ROBO2: variants seen among roughly 807,000 people sequenced by gnomAD.
ROBO2 encodes roundabout guidance receptor 2, also known as roundabout homolog 2.
In ROBO2, 53 loss-of-function variants were observed where a neutral mutation model predicts 160.8. The ratio of observed to expected loss-of-function variants is 0.33; its 90% confidence interval spans 0.26 to 0.41. The LOEUF (loss-of-function observed/expected upper bound fraction) is 0.41. Among genes scored for constraint, ROBO2 ranks in the 10% least tolerant of loss-of-function variants. The pLI, the probability that ROBO2 is intolerant of heterozygous loss-of-function variation, is 1.00. For missense variants in ROBO2, 1,577 were observed against 1,722.4 expected (o/e 0.92, Z 1.49); for synonymous variants, 664 against 611.7 (o/e 1.09, Z -1.26).
chr3:76,157,433 A>C (rs2072451745), intron 2 of ROBO2, among the ~76,000 whole-genome samples: 1 of 152,166 alleles, frequency 6.6e-6, no homozygotes, highest in East Asian at 1.9e-4. Context: ...TTATTGTAGC[A>C]GAGTAAGCCA....
intron 2 of ROBO2, among the ~76,000 whole-genome samples, chr3:77,361,603 G>C (rs1441461085): frequency 6.6e-6 from 1 of 152,002 alleles, no homozygotes; most frequent in African/African-American, 2.4e-5. Flanking sequence ...TTCAAAGTTG[G>C]CACCTTCTAT....
Position 77,595,248 on chromosome 3 carries a change from G to T in ROBO2, c.2726+64G>T, listed in dbSNP as rs145443179. The T allele has an allele frequency of 3.2e-5, 38 of 1,202,320 alleles. 1 individual carries two copies. The African/African-American group carries it at 5.0e-4, about 16-fold the overall frequency. 74.5% of individuals were successfully genotyped at this position (1,202,320 alleles called of 1,614,324 possible). On this transcript the variant is annotated intron_variant, in intron 18 of 25. Transcript: ENST00000461745. The stretch of plus-strand genomic sequence containing the variant: ...TAATCAGGACTGGGGAAACTCTATA[G>T]TAAGAGCCTATTATTGTAATAAATG...
At chr3:77,264,940 T>A (rs1450313266) in intron 2 of ROBO2, among the ~76,000 whole-genome samples, 1 of 152,190 alleles carries the variant, frequency 6.6e-6, no homozygotes, top group Non-Finnish European at 1.5e-5. Flanking sequence ...TAGAAAAATC[T>A]CTTTATTCTT....
chr3:76,617,119 C>T (rs1172007764), intron 2 of ROBO2, among the ~76,000 whole-genome samples: 1 of 152,014 alleles, frequency 6.6e-6, no homozygotes, highest in African/African-American at 2.4e-5. Context: ...TTAGGATGAA[C>T]TAACTAGCGT....
intron 2 of ROBO2, among the ~76,000 whole-genome samples, chr3:76,716,810 C>A (rs1576198098): frequency 6.6e-6 from 1 of 152,270 alleles, no homozygotes; most frequent in Non-Finnish European, 1.5e-5. Context: ...TTGAGTGCTT[C>A]ATGGGATGGC....
chr3:77,316,546 C>T (rs2064010615), intron 2 of ROBO2, among the ~76,000 whole-genome samples: 1 of 152,056 alleles, frequency 6.6e-6, no homozygotes, highest in South Asian at 2.1e-4. Flanking sequence ...CCCCCCAAGT[C>T]TACTACTGAA....
intron 2 of ROBO2, among the ~76,000 whole-genome samples, chr3:77,293,784 T>G (rs1473871774): frequency 7.1e-6 from 1 of 141,206 alleles, no homozygotes; most frequent in Non-Finnish European, 1.5e-5. Context: ...AATTGATGGT[T>G]AAACGGGAAG....
intron 6 of ROBO2, among the ~76,000 whole-genome samples, chr3:77,528,357 A>G (rs1257036246): frequency 6.6e-6 from 1 of 151,618 alleles, no homozygotes; most frequent in Non-Finnish European, 1.5e-5. Flanking sequence ...ATCTAGCTTC[A>G]AAAGCTTCCT....
At chr3:76,854,148 A>G (rs1404442675) in intron 2 of ROBO2, among the ~76,000 whole-genome samples, 7 of 151,772 alleles carry the variant, frequency 4.6e-5, no homozygotes, top group Non-Finnish European at 1.0e-4. Flanking sequence ...TTTTAAATTT[A>G]AAAATATACC....
At chr3:75,985,312 A>G (rs1353726810) in intron 2 of ROBO2, among the ~76,000 whole-genome samples, 1 of 151,550 alleles carries the variant, frequency 6.6e-6, no homozygotes, top group East Asian at 1.9e-4. Context: ...GAAATTTATT[A>G]TCTTAATTAT....
At chr3:76,394,887 A>T (rs2077348759) in intron 2 of ROBO2, among the ~76,000 whole-genome samples, 1 of 152,148 alleles carries the variant, frequency 6.6e-6, no homozygotes, top group South Asian at 2.1e-4. Context: ...GGAGAATTTA[A>T]CACCCCACTG....
intron 2 of ROBO2, among the ~76,000 whole-genome samples, chr3:76,575,426 A>G (rs568385766): frequency 6.6e-6 from 1 of 152,180 alleles, no homozygotes; most frequent in South Asian, 2.1e-4. Flanking sequence ...AAAACAACTG[A>G]CCATGTAATT....
At chr3:77,142,034 G>T (rs1379251877) in intron 2 of ROBO2, among the ~76,000 whole-genome samples, 1 of 152,164 alleles carries the variant, frequency 6.6e-6, no homozygotes, top group Non-Finnish European at 1.5e-5. Context: ...ACGTTGAACA[G>T]TCAGTGAGCA....
intron 2 of ROBO2, among the ~76,000 whole-genome samples, chr3:76,469,510 T>A (rs544775052): frequency 1.4e-4 from 22 of 152,026 alleles, no homozygotes; most frequent in Non-Finnish European, 2.9e-4. Flanking sequence ...CTTGTAAGAT[T>A]TCACCCCTGC....
intron 2 of ROBO2, among the ~76,000 whole-genome samples, chr3:77,457,647 C>T (rs1035355864): frequency 6.6e-6 from 1 of 152,018 alleles, no homozygotes; most frequent in Non-Finnish European, 1.5e-5. Flanking sequence ...ATTTTATGTG[C>T]TTTCACTGAG....
chr3:77,068,228 A>G (rs1308272395), intron 1 of ROBO2, among the ~76,000 whole-genome samples: 1 of 152,148 alleles, frequency 6.6e-6, no homozygotes, highest in Non-Finnish European at 1.5e-5. Context: ...TAATATTTAC[A>G]TCAAGGGGGT....
Position 77,116,184 on chromosome 3 carries a change from C to T in ROBO2, c.388+17844C>T, listed in dbSNP as rs76252799. The stretch of plus-strand genomic sequence containing the variant: ...CGTAGTGCGTCTAATCTCCTCAGTT[C>T]GCTCCATTCCTGGACAGTGATGGCA... On this transcript the variant is annotated intron_variant, in intron 2 of 25. Transcript: ENST00000461745. 6.1e-3 allele frequency among the ~76,000 whole-genome samples: 927 copies of T among 152,284 alleles called. 8 individuals are homozygous for T. Among genetic ancestry groups the T allele is most frequent in the South Asian group, 0.022 (107 of 4,830 alleles).
chr3:77,100,645 A>G (rs2071785398), intron 2 of ROBO2, among the ~76,000 whole-genome samples: 1 of 152,120 alleles, frequency 6.6e-6, no homozygotes, highest in Non-Finnish European at 1.5e-5. Flanking sequence ...CCACTGAAAG[A>G]GGTGTTAAGG....
intron 2 of ROBO2, among the ~76,000 whole-genome samples, chr3:76,653,026 CATT>C (rs2091322819): frequency 1.3e-5 from 2 of 152,122 alleles, no homozygotes; most frequent in African/African-American, 4.8e-5. Flanking sequence ...GAGTTAATTT[CATT>C]ATTCAGTAGC....
Sources: allele counts gnomAD v4.1 joint callset (sites outside exome capture counted in the v4.1 genomes callset), GRCh38; gene constraint gnomAD v4.1.1; transcripts MANE v1.5; gene names NCBI Gene and HGNC (gene_info 2026-07-23, HGNC 2026-07-21).